NCAM2: variants seen among roughly 807,000 people sequenced by gnomAD.
NCAM2 encodes the protein N-CAM-2.
NCAM2 carries 30 observed loss-of-function variants against 98.1 expected under a neutral mutation model. The observed-to-expected ratio is 0.31, with a 90% CI of 0.23 to 0.41. The LOEUF is 0.41. Ranked by LOEUF, NCAM2 falls within the 10% of genes least tolerant of loss-of-function variation. The probability of loss-of-function intolerance (pLI) is 1.00; values close to 1 mark genes in which losing one functional copy is unlikely to be tolerated. For missense variants in NCAM2, 867 were observed against 1,005.8 expected, an observed-to-expected ratio of 0.86 and a Z score of 1.87; for synonymous variants, 368 against 342.4, an observed-to-expected ratio of 1.07 and a Z score of -0.83.
chr21:21,122,731 A>G (rs922332175), intron 1 of NCAM2, among the ~76,000 whole-genome samples: 2 of 152,196 alleles, frequency 1.3e-5, no homozygotes, highest in Non-Finnish European at 2.9e-5. Context: ...CAGGGGTCAA[A>G]GAGTTTTTGG....
chr21:21,484,651 A>G (rs954717671), intron 15 of NCAM2, among the ~76,000 whole-genome samples: 4 of 152,138 alleles, frequency 2.6e-5, no homozygotes, highest in Non-Finnish European at 5.9e-5. Context: ...ATTATAATAA[A>G]ATATTTCCTA....
At chr21:21,113,982 A>AT (rs1341242122) in intron 1 of NCAM2, among the ~76,000 whole-genome samples, 6 of 152,188 alleles carry the variant, frequency 3.9e-5, no homozygotes, top group Non-Finnish European at 7.4e-5. Context: ...TCTAACTAAC[A>AT]TTGAGTTATA....
chr21:21,447,738 A>G (rs1980403313), intron 12 of NCAM2, among the ~76,000 whole-genome samples: 1 of 152,188 alleles, frequency 6.6e-6, no homozygotes, highest in Admixed American at 6.5e-5. Flanking sequence ...GGCAAAGAAT[A>G]TGAACAGACA....
chr21:20,998,473 TC>T lies in NCAM2; in HGVS notation c.-90del. The T allele has an allele frequency of 7.4e-7, 1 of 1,343,442 alleles. No individual in the cohort carries two copies. The highest frequency in any genetic ancestry group is 1.3e-5 in the South Asian group (1 of 75,500). 83.2% of individuals were successfully genotyped at this position (1,343,442 alleles called of 1,614,324 possible). On this transcript the variant is annotated 5_prime_UTR_variant, in exon 1 of 18. Coordinates refer to ENST00000400546, the MANE Select transcript of NCAM2 (RefSeq NM_004540.5). ...GCACCGCGGGAGCGGCGGCGGCGGC[TC>T]TAGCAGAGGCGGCCGGGGCAGCGAA...
chr21:21,325,477 C>A (rs2074488171), intron 6 of NCAM2, among the ~76,000 whole-genome samples: 1 of 152,116 alleles, frequency 6.6e-6, no homozygotes, highest in African/African-American at 2.4e-5. Flanking sequence ...TGAGATGTTT[C>A]TTCAAATATT....
At chr21:21,152,571 C>T (rs2067478643) in intron 1 of NCAM2, among the ~76,000 whole-genome samples, 1 of 151,836 alleles carries the variant, frequency 6.6e-6, no homozygotes, top group Non-Finnish European at 1.5e-5. Flanking sequence ...CTGCTTAAGC[C>T]CTGTTTTAAA....
At chr21:21,245,753 T>C (rs1020116617) in intron 1 of NCAM2, among the ~76,000 whole-genome samples, 1 of 151,018 alleles carries the variant, frequency 6.6e-6, no homozygotes, top group Admixed American at 6.6e-5. Flanking sequence ...ACATTATTTC[T>C]TTCTTTCTTC....
At chr21:21,128,186 T>C (rs1456975698) in intron 1 of NCAM2, among the ~76,000 whole-genome samples, 1 of 152,078 alleles carries the variant, frequency 6.6e-6, no homozygotes, top group African/African-American at 2.4e-5. Context: ...TGTTAGCTTG[T>C]TTGTGGTGGT....
chr21:21,097,689 G>GT (rs1217370551), intron 1 of NCAM2, among the ~76,000 whole-genome samples: 1 of 151,532 alleles, frequency 6.6e-6, no homozygotes, highest in Non-Finnish European at 1.5e-5. Context: ...GTGCAAGAAA[G>GT]TGTCTGCAGC....
At chr21:21,526,585 A>G (rs565086301) in intron 16 of NCAM2, among the ~76,000 whole-genome samples, 1 of 152,240 alleles carries the variant, frequency 6.6e-6, no homozygotes, top group South Asian at 2.1e-4. Context: ...TGTAATCCCA[A>G]CAAAATCACA....
At chr21:21,330,718 A>G (rs2074650987) in intron 6 of NCAM2, among the ~76,000 whole-genome samples, 1 of 151,878 alleles carries the variant, frequency 6.6e-6, no homozygotes, top group African/African-American at 2.4e-5. Flanking sequence ...TATTTTTTGA[A>G]GCTCTAGTAT....
At chr21:21,418,065 A>G (rs531605299) in intron 10 of NCAM2, among the ~76,000 whole-genome samples, 3 of 152,038 alleles carry the variant, frequency 2.0e-5, no homozygotes, top group Non-Finnish European at 4.4e-5. Context: ...TTTCAAGTTT[A>G]CACCTACATT....
chr21:21,022,491 A>C (rs983052175), intron 1 of NCAM2, among the ~76,000 whole-genome samples: 2 of 152,134 alleles, frequency 1.3e-5, no homozygotes, highest in African/African-American at 4.8e-5. Context: ...AGTTATAAAA[A>C]TAGGGAGTGG....
chr21:21,105,063 C>T (rs1213213141), intron 1 of NCAM2, among the ~76,000 whole-genome samples: 1 of 151,960 alleles, frequency 6.6e-6, no homozygotes, highest in African/African-American at 2.4e-5. Context: ...CATCCTGAGA[C>T]GGAAATGCTT....
At chr21:21,487,830 G>C (rs1019909036) in intron 15 of NCAM2, among the ~76,000 whole-genome samples, 1 of 152,108 alleles carries the variant, frequency 6.6e-6, no homozygotes, top group Non-Finnish European at 1.5e-5. Context: ...AGGCCTAGGA[G>C]GTAGCAGTAA....
intron 8 of NCAM2, among the ~76,000 whole-genome samples, chr21:21,362,148 G>A (rs1002338746): frequency 2.0e-5 from 3 of 151,662 alleles, no homozygotes; most frequent in South Asian, 2.1e-4. Context: ...ACAGACCAGC[G>A]TTTGCTTTAT....
intron 8 of NCAM2, among the ~76,000 whole-genome samples, chr21:21,368,202 G>A (rs1309947461): frequency 6.6e-6 from 1 of 151,760 alleles, no homozygotes; most frequent in Non-Finnish European, 1.5e-5. Flanking sequence ...ATTTTATGTA[G>A]AGGTAACAAT....
In NCAM2 at chr21:21,539,390, A is replaced by G. The variant is rs929331860; in HGVS notation, c.*1433A>G. 6.6e-6 allele frequency: 1 copy of G among 152,158 alleles called. No individual in the cohort carries two copies. Among genetic ancestry groups the G allele is most frequent in the Non-Finnish European group, 1.5e-5 (1 of 68,032 alleles). The allele number at this position is 152,158 out of a possible 1,614,324, so 9.4% of individuals were successfully genotyped here. A position where few individuals can be genotyped will look rare whatever the true frequency, so the allele number is the denominator to read the frequency against. The stretch of plus-strand genomic sequence containing the variant: ...AACCTTTGGTGTTTCAGGTGGTATT[A>G]TAGCTCAAATAGTGACAGGACAGGG... On this transcript the variant is annotated 3_prime_UTR_variant, in exon 18 of 18. Transcript: ENST00000400546.
At chr21:21,430,570 G>C (rs2077312978) in intron 11 of NCAM2, among the ~76,000 whole-genome samples, 1 of 151,958 alleles carries the variant, frequency 6.6e-6, no homozygotes, top group Admixed American at 6.6e-5. Context: ...CGGCAGAACA[G>C]AGTGAGTGCC....
Sources: gnomAD v4.1 joint callset for allele counts (sites outside exome capture counted in the v4.1 genomes callset) on GRCh38, gnomAD v4.1.1 for gene constraint, MANE v1.5 for transcripts, NCBI Gene and HGNC (gene_info 2026-07-23, HGNC 2026-07-21) for gene names.